Variants in TPM4 observed in about 807,000 individuals in gnomAD.
TPM4 encodes the protein tropomyosin alpha-4 chain.
Under a neutral mutation model 35.8 loss-of-function variants are expected in TPM4, and 17 were observed. The observed-to-expected ratio is 0.47, with a 90% confidence interval of 0.32 to 0.71. TPM4 has a LOEUF of 0.71. TPM4 is among the 30% of genes least tolerant of loss of function. The probability of loss-of-function intolerance (pLI) is 0.03; values close to 1 mark genes in which losing one functional copy is unlikely to be tolerated. For synonymous variants in TPM4, 120 were observed against 122.9 expected (o/e 0.98, Z 0.15); for missense variants, 240 against 320.9 (o/e 0.75, Z 1.93).
chr19:16,097,777 T>G (rs1198050384), intron 7 of TPM4, among the ~76,000 whole-genome samples: 2 of 152,124 alleles, frequency 1.3e-5, no homozygotes, highest in African/African-American at 2.4e-5. Context: ...TCCTGAATTT[T>G]CGGTATCCAT....
rs2090348047 is a variant in TPM4 at position 16,070,687 on chromosome 19, AG to A, written c.114+2950del. On this transcript the variant is annotated intron_variant, in intron 2 of 2. Transcript: ENST00000589897. This position sits in a 1 kb window ranked among gnomAD's most constrained non-coding sequence, Gnocchi z 7.4. ...ACCCTTGGCCCGGAGCCTAGCTCAGAGTAAGCACTCAATAAATGTAGGTTGA... is the reference window on the plus strand; with the variant it reads ...ACCCTTGGCCCGGAGCCTAGCTCAGATAAGCACTCAATAAATGTAGGTTGA... Among the ~76,000 whole-genome samples, 2 of 152,190 alleles carry A rather than the reference AG, an allele frequency of 1.3e-5. No homozygotes were observed. The highest frequency in any genetic ancestry group is 4.1e-4 in the South Asian group (2 of 4,828).
intron 5 of TPM4, among the ~76,000 whole-genome samples, chr19:16,090,082 C>G (rs1178431041): frequency 2.0e-5 from 3 of 151,268 alleles, no homozygotes; most frequent in Admixed American, 2.0e-4. Context: ...CTGCCCGCCT[C>G]GCCCTCCCAA....
chr19:16,087,918 C>A, intron 3 of TPM4, 109 bp from the exon 4 acceptor site: 1 of 1,146,788 alleles, frequency 8.7e-7, no homozygotes, highest in Non-Finnish European at 1.3e-6. Context: ...ACCCATGTTG[C>A]AGCTGGTCTA....
chr19:16,071,411 C>T (rs577042739), intron 2 of TPM4, among the ~76,000 whole-genome samples: 1 of 152,258 alleles, frequency 6.6e-6, no homozygotes, highest in East Asian at 1.9e-4. Flanking sequence ...TCTTGAACTC[C>T]TGGGCTCAAG....
chr19:16,082,099 AT>A, intron 2 of TPM4, 53 bp downstream of exon 2: 2 of 1,564,184 alleles, frequency 1.3e-6, no homozygotes, highest in Admixed American at 3.5e-5. Flanking sequence ...GAAAATGGGG[AT>A]CATGCTGCCG....
intron 7 of TPM4, 56 bp from the exon 8 acceptor site, chr19:16,101,208 C>A: frequency 7.5e-7 from 1 of 1,341,562 alleles, no homozygotes; most frequent in East Asian, 2.5e-5. Flanking sequence ...TTTTTTCTTT[C>A]ATTTAACAAA....
intron 4 of TPM4, chr19:16,088,505 G>C (rs965730558): frequency 9.5e-7 from 1 of 1,054,778 alleles, no homozygotes; most frequent in African/African-American, 1.7e-5. Context: ...ACACATTCCT[G>C]GCGGGAAGGT....
intron 1 of TPM4, chr19:16,076,900 A>G: frequency 8.8e-7 from 1 of 1,142,650 alleles, no homozygotes. Flanking sequence ...TGGGCCTGGG[A>G]CAGGGGAGGG....
At chr19:16,074,482 T>C (rs1402877994), upstream of TPM4, 3 of 152,206 alleles carry the variant, frequency 2.0e-5, no homozygotes, top group Admixed American at 6.5e-5. Context: ...AATCCCATCA[T>C]GGTGGGTCAA....
chr19:16,100,160 G>A (rs771018694), intron 7 of TPM4: 3 of 152,006 alleles, frequency 2.0e-5, no homozygotes, highest in Non-Finnish European at 4.4e-5. Flanking sequence ...CATTGATATC[G>A]TTACCCCCAT....
intron 5 of TPM4, 77 bp downstream of exon 5, chr19:16,089,197 T>G (rs1249646739): frequency 5.0e-6 from 8 of 1,585,612 alleles, no homozygotes; most frequent in Non-Finnish European, 6.9e-6. Flanking sequence ...CAGGAGCCTG[T>G]CAGGTTATGG....
intron 5 of TPM4, 57 bp from the exon 6 acceptor site, chr19:16,093,479 C>A: frequency 1.3e-6 from 2 of 1,588,438 alleles, no homozygotes; most frequent in South Asian, 2.2e-5. Context: ...CAGGCATGAG[C>A]CACCATGCCT....
intron 1 of TPM4, chr19:16,076,968 A>T: frequency 8.3e-6 from 4 of 483,254 alleles, no homozygotes; most frequent in Non-Finnish European, 1.2e-5. Context: ...GATGGGGCGG[A>T]GGGGGTGAGC....
chr19:16,079,299 T>G (rs1242364983), intron 1 of TPM4, among the ~76,000 whole-genome samples: 1 of 152,210 alleles, frequency 6.6e-6, no homozygotes, highest in African/African-American at 2.4e-5. Context: ...GTTTTTTGTT[T>G]GTTTGTTTGT....
chr19:16,074,956 G>C (rs1473018005), upstream of TPM4: 3 of 152,246 alleles, frequency 2.0e-5, no homozygotes. Context: ...GTCAGTCGTG[G>C]TGGTGTGCAC....
At chr19:16,096,670 GC>G (rs2090701464) in intron 7 of TPM4, among the ~76,000 whole-genome samples, 1 of 152,080 alleles carries the variant, frequency 6.6e-6, no homozygotes, top group South Asian at 2.1e-4. Flanking sequence ...TCACCTCCAC[GC>G]CCTGCCCTTA....
chr19:16,091,362 T>A (rs955133820), intron 5 of TPM4, among the ~76,000 whole-genome samples: 5 of 152,072 alleles, frequency 3.3e-5, no homozygotes, highest in African/African-American at 1.2e-4. Context: ...TGGCATCTGC[T>A]CTTGAAGAGC....
At position 16,070,399 on chromosome 19, in the gene TPM4, TG is replaced by T. The variant is rs1344458488; in HGVS notation, c.114+2662del. Among the ~76,000 whole-genome samples, 3 of 152,140 alleles carry T rather than the reference TG, an allele frequency of 2.0e-5. No homozygotes were observed. The highest frequency in any genetic ancestry group is 7.2e-5 in the African/African-American group (3 of 41,416). The stretch of plus-strand genomic sequence containing the variant: ...TGTTTATCCACACCCCGATGTCAAC[TG>T]CCAAGCCCTGGGGAGCATCCAGGTC... On this transcript the variant is annotated intron_variant, in intron 2 of 2. Transcript: ENST00000589897. The surrounding 1 kb of genome is among the most constrained non-coding windows in gnomAD (Gnocchi z 7.4).
At chr19:16,077,420 C>T (rs2090424487) in intron 1 of TPM4, 1 of 152,188 alleles carries the variant, frequency 6.6e-6, no homozygotes, top group African/African-American at 2.4e-5. Flanking sequence ...AACCCACGAT[C>T]GTTTGAGCGC....
Sources: gnomAD v4.1 joint callset for allele counts (sites outside exome capture counted in the v4.1 genomes callset) on GRCh38, gnomAD v4.1.1 for gene constraint, Gnocchi (gnomAD v3.1) non-coding constraint, MANE v1.5 for transcripts, NCBI Gene and HGNC (gene_info 2026-07-23, HGNC 2026-07-21) for gene names.